The following WDR17 variants were observed in gnomAD, a reference collection of about 807,000 sequenced individuals.
WDR17 encodes WD repeat-containing protein 17.
A neutral mutation model predicts 161.7 loss-of-function variants in WDR17; 143 were observed. That is an observed-to-expected ratio of 0.88 (90% confidence interval 0.77 to 1.02). WDR17 has a LOEUF of 1.02. Among genes scored for constraint, WDR17 ranks in the 50% least tolerant of loss-of-function variants. WDR17 has a pLI of 0.00. For missense variants in WDR17, 1,469 were observed against 1,520.9 expected (o/e 0.97, Z 0.57); for synonymous variants, 517 against 515.6 (o/e 1.00, Z -0.04).
intron 1 of WDR17, among the ~76,000 whole-genome samples, chr4:176,082,804 G>A (rs575683033): frequency 7.0e-6 from 1 of 143,574 alleles, no homozygotes; most frequent in Admixed American, 6.9e-5. Flanking sequence ...CTTTTCATGG[G>A]ATTTTTTAAT....
At chr4:176,076,656 T>C (rs1315356403) in intron 1 of WDR17, among the ~76,000 whole-genome samples, 14 of 150,686 alleles carry the variant, frequency 9.3e-5, no homozygotes. Flanking sequence ...TGGCTCTTTA[T>C]TGCTCTTTAA....
intron 4 of WDR17, 90 bp from the exon 5 acceptor site, chr4:176,125,014 A>G: frequency 7.1e-7 from 1 of 1,402,526 alleles, no homozygotes. Context: ...CCTCAGAGAT[A>G]GATATTGTAC....
At chr4:176,120,288 TTATATA>T (rs33940735) in intron 4 of WDR17, among the ~76,000 whole-genome samples, 191 bp downstream of exon 4, 1,820 of 136,500 alleles carry the variant, frequency 0.013, 32 homozygotes, top group African/African-American at 0.045. Flanking sequence ...ATTTGAAGTT[TTATATA>T]TATATATATA....
At chr4:176,118,929 C>T (rs1741090842) in intron 3 of WDR17, among the ~76,000 whole-genome samples, 1 of 151,876 alleles carries the variant, frequency 6.6e-6, no homozygotes, top group Non-Finnish European at 1.5e-5. Flanking sequence ...TCACTGCACT[C>T]CAGCCTGGGC....
At chr4:176,144,494 C>G (rs555705371) in intron 11 of WDR17, among the ~76,000 whole-genome samples, 1 of 152,218 alleles carries the variant, frequency 6.6e-6, no homozygotes, top group East Asian at 1.9e-4. Context: ...TTGTATCTGA[C>G]TAATTAGAAC....
At position 176,122,858 on chromosome 4, in the gene WDR17, GCTTT is replaced by G. The variant is rs535930882; in HGVS notation, c.539-2243_539-2240del. 3.9e-3 allele frequency among the ~76,000 whole-genome samples: 592 copies of G among 152,254 alleles called. 4 individuals are homozygous for G. Among genetic ancestry groups the G allele is most frequent in the African/African-American group, 0.013 (554 of 41,548 alleles). Reference sequence around the variant, plus strand: ...TTTAAATCAGTAATTTTTAAACTGTGCTTTCTATGTTTGTATACTTATGTGTGTG... The same window carrying G: ...TTTAAATCAGTAATTTTTAAACTGTGCTATGTTTGTATACTTATGTGTGTG... On this transcript the variant is annotated intron_variant, in intron 4 of 28. Transcript: ENST00000508596.
intron 18 of WDR17, among the ~76,000 whole-genome samples, chr4:176,158,780 A>G (rs1164269342): frequency 6.6e-6 from 1 of 152,100 alleles, no homozygotes; most frequent in Admixed American, 6.6e-5. Flanking sequence ...TTGAAAGCCA[A>G]CTCCTGATTT....
chr4:176,174,485 A>C (rs1389880746), intron 25 of WDR17, 132 bp from the exon 26 acceptor site: 5 of 514,326 alleles, frequency 9.7e-6, no homozygotes, highest in Non-Finnish European at 1.3e-5. Flanking sequence ...CCTTAAGTTT[A>C]GAAAATTTTC....
At chr4:176,133,065 G>A (rs565430864) in intron 7 of WDR17, among the ~76,000 whole-genome samples, 43 of 150,560 alleles carry the variant, frequency 2.9e-4, no homozygotes, top group Non-Finnish European at 4.4e-4. Flanking sequence ...AATCAGTTCA[G>A]GAGACAATTA....
In WDR17 at chr4:176,120,028, T is replaced by A. The variant is rs372773176; in HGVS notation, c.469T>A (p.Trp157Arg). 8.4e-5 allele frequency: 135 copies of A among 1,613,964 alleles called. No individual in the cohort carries two copies. The highest frequency in any genetic ancestry group is 1.1e-4 in the Non-Finnish European group (133 of 1,180,006). ...CTTGTCTGATATCTGTATGTTCAGA[T>A]GGCATACACACCAAAAGGGGAAAGT... is the stretch of plus-strand genomic sequence containing the variant. The part of the protein sequence containing the change: ...SFLSDICMFR[W>R]HTHQKGKVVF... Residue 157 changes from tryptophan (W) to arginine (R), a missense_variant, in exon 4 of 29, where the codon TGG becomes AGG. By Grantham distance (101) the Trp-to-Arg change is moderately radical. Coordinates refer to ENST00000508596, the MANE Select transcript of WDR17 (RefSeq NM_181265.4).
At position 176,093,083 on chromosome 4, in the gene WDR17, T is replaced by G. The variant is rs540597016; in HGVS notation, c.-6-18492T>G. 7.4e-4 allele frequency among the ~76,000 whole-genome samples: 113 copies of G among 151,772 alleles called. 1 individual carries two copies. Among genetic ancestry groups the G allele is most frequent in the Non-Finnish European group, 1.3e-3 (90 of 67,940 alleles). On this transcript the variant is annotated intron_variant, in intron 1 of 28. Coordinates refer to ENST00000508596, the MANE Select transcript of WDR17 (RefSeq NM_181265.4). Reference sequence around the variant, plus strand: ...AAAAGAAAAGAAATCAAGAATGTAGTCCCATTAATAACAGCTACAAATAAA... The same window carrying G: ...AAAAGAAAAGAAATCAAGAATGTAGGCCCATTAATAACAGCTACAAATAAA...
rs1311971426 is a variant in WDR17, at chr4:176,115,780, A to G, written c.124-16A>G. Reference sequence around the variant, plus strand: ...AAAGGAGCACTAAAATATTTTATTTATATATTTTGTTTTAGTTGGATCACC... The same window carrying G: ...AAAGGAGCACTAAAATATTTTATTTGTATATTTTGTTTTAGTTGGATCACC... On this transcript the variant is annotated splice_polypyrimidine_tract_variant and intron_variant, in intron 2 of 28. Transcript: ENST00000508596. 6.5e-7 allele frequency: 1 copy of G among 1,549,968 alleles called. No homozygotes were observed. The highest frequency in any genetic ancestry group is 8.7e-7 in the Non-Finnish European group (1 of 1,146,842).
chr4:176,152,650 C>T (rs1747393712), intron 17 of WDR17, among the ~76,000 whole-genome samples: 2 of 145,562 alleles, frequency 1.4e-5, no homozygotes, highest in Non-Finnish European at 3.0e-5. Context: ...ACCCTGCGTG[C>T]TGGCTCACAC....
intron 17 of WDR17, among the ~76,000 whole-genome samples, chr4:176,154,405 C>A (rs1441137291): frequency 6.6e-6 from 1 of 152,008 alleles, no homozygotes; most frequent in Non-Finnish European, 1.5e-5. Flanking sequence ...CACTTGAATC[C>A]GGCAGGCGGA....
chr4:176,163,413 G>C, intron 22 of WDR17, 120 bp downstream of exon 22: 1 of 1,133,734 alleles, frequency 8.8e-7, no homozygotes. Context: ...GTTTATAAAG[G>C]ATAAGATTGT....
chr4:176,102,920 C>A (rs547851415), intron 1 of WDR17, among the ~76,000 whole-genome samples: 2 of 152,252 alleles, frequency 1.3e-5, no homozygotes, highest in Admixed American at 6.5e-5. Flanking sequence ...AAGTATCTTG[C>A]AAGCAGCTTA....
intron 1 of WDR17, among the ~76,000 whole-genome samples, chr4:176,106,096 A>G (rs1205130404): frequency 6.6e-6 from 1 of 152,066 alleles, no homozygotes; most frequent in African/African-American, 2.4e-5. Context: ...AAATGCAACA[A>G]TTTTAAAAAG....
chr4:176,152,294 C>CAAAAAAAAAAAAAAAAAAAAAA lies in WDR17; in HGVS notation c.2460+347_2460+348insAAAAAAAAAAAAAAAAAAAAAA, dbSNP rs397837505. Among the ~76,000 whole-genome samples, 87 of 72,124 alleles carry CAAAAAAAAAAAAAAAAAAAAAA rather than the reference C, an allele frequency of 1.2e-3. 2 individuals carry two copies. Among genetic ancestry groups the CAAAAAAAAAAAAAAAAAAAAAA allele is most frequent in the East Asian group, 2.1e-3 (6 of 2,796 alleles). 47.3% of individuals were successfully genotyped at this position (72,124 alleles called of 152,430 possible). ...TGGGCTACAGAAAGAGACCCTATCT[C>CAAAAAAAAAAAAAAAAAAAAAA]AAAAAAAAAAAAAAAAAAAAGCCTG... On this transcript the variant is annotated intron_variant, in intron 17 of 28. Coordinates refer to ENST00000508596, the MANE Select transcript of WDR17 (RefSeq NM_181265.4).
rs142733692 is a variant in WDR17, at chr4:176,168,099, A to G, written c.2991-573A>G. 4.6e-3 allele frequency among the ~76,000 whole-genome samples: 707 copies of G among 152,144 alleles called. 1 individual carries two copies. The highest frequency in any genetic ancestry group is 7.8e-3 in the Non-Finnish European group (528 of 68,008). On this transcript the variant is annotated intron_variant, in intron 22 of 28. Coordinates refer to ENST00000508596, the MANE Select transcript of WDR17 (RefSeq NM_181265.4). ...GAGGCAAAGGTTGCAGTGAGCTGAGATTGCACCACTGCACTCCAGCCTGGG... is the reference window on the plus strand; with the variant it reads ...GAGGCAAAGGTTGCAGTGAGCTGAGGTTGCACCACTGCACTCCAGCCTGGG...
Sources: allele counts gnomAD v4.1 joint callset (sites outside exome capture counted in the v4.1 genomes callset), GRCh38; gene constraint gnomAD v4.1.1; transcripts MANE v1.5; gene names NCBI Gene and HGNC (gene_info 2026-07-23, HGNC 2026-07-21).